Variants in NEBL observed in about 807,000 individuals in gnomAD.
The protein encoded by NEBL is nebulette.
Under a neutral mutation model 140.2 loss-of-function variants are expected in NEBL, and 122 were observed. The ratio of observed to expected loss-of-function variants is 0.87; its 90% CI spans 0.75 to 1.01. The LOEUF (loss-of-function observed/expected upper bound fraction) is 1.01, where lower values mean the gene tolerates loss of function less well. Ranked by LOEUF, NEBL falls within the 50% of genes least tolerant of loss-of-function variation. The probability of loss-of-function intolerance (pLI) is 0.00; values close to 1 mark genes in which losing one functional copy is unlikely to be tolerated. For synonymous variants in NEBL, 436 were observed against 398.9 expected (o/e 1.09, Z -1.11); for missense variants, 1,365 against 1,231.3 (o/e 1.11, Z -1.62).
chr10:20,785,161 C>A lies in NEBL; in HGVS notation c.*586G>T, dbSNP rs12784926. The A allele has an allele frequency of 2.8e-3, 431 of 156,640 alleles. 2 individuals are homozygous for A. Among genetic ancestry groups the A allele is most frequent in the South Asian group, 6.2e-3 (32 of 5,152 alleles). 9.7% of individuals were successfully genotyped at this position (156,640 alleles called of 1,614,324 possible). A position where few individuals can be genotyped will look rare whatever the true frequency, so the allele number is the denominator to read the frequency against. On this transcript the variant is annotated 3_prime_UTR_variant, in exon 28 of 28. Coordinates refer to ENST00000377122, the MANE Select transcript of NEBL (RefSeq NM_006393.3). ...AAATGAGAAATAAATAGATACCAGT[C>A]AGCCTAGGGAACAAGGAAATTTCTC... is the stretch of plus-strand genomic sequence containing the variant.
chr10:21,062,742 C>T (rs949955614), intron 2 of NEBL, among the ~76,000 whole-genome samples: 3 of 151,996 alleles, frequency 2.0e-5, no homozygotes, highest in African/African-American at 7.3e-5. Context: ...ATCTGAAGGA[C>T]CTAGAATGAG....
At chr10:20,956,687 A>G (rs1336643101) in intron 4 of NEBL, among the ~76,000 whole-genome samples, 1 of 152,196 alleles carries the variant, frequency 6.6e-6, no homozygotes, top group Non-Finnish European at 1.5e-5. Flanking sequence ...TTAGTTATAA[A>G]ACTTCTGCTT....
chr10:21,017,946 G>T (rs1264880961), intron 3 of NEBL, among the ~76,000 whole-genome samples: 1 of 151,554 alleles, frequency 6.6e-6, no homozygotes. Flanking sequence ...TCAGTCTCTC[G>T]AGTAGTTGGG....
At chr10:20,924,135 C>A (rs1468289079) in intron 4 of NEBL, among the ~76,000 whole-genome samples, 1 of 151,984 alleles carries the variant, frequency 6.6e-6, no homozygotes, top group Non-Finnish European at 1.5e-5. Flanking sequence ...AGATTTTGCT[C>A]CCAGGAGACA....
intron 4 of NEBL, among the ~76,000 whole-genome samples, chr10:20,883,245 A>T (rs2131332500): frequency 6.6e-6 from 1 of 152,262 alleles, no homozygotes; most frequent in African/African-American, 2.4e-5. Context: ...CTGTCAACTG[A>T]TACCTTTAAG....
At chr10:21,262,558 T>C (rs1156765927) in intron 1 of NEBL, among the ~76,000 whole-genome samples, 1 of 152,196 alleles carries the variant, frequency 6.6e-6, no homozygotes, top group African/African-American at 2.4e-5. Flanking sequence ...GGGGCTTTGA[T>C]GAATTCAAAG....
chr10:20,948,720 T>A (rs1835297710), intron 4 of NEBL, among the ~76,000 whole-genome samples: 1 of 152,194 alleles, frequency 6.6e-6, no homozygotes, highest in Non-Finnish European at 1.5e-5. Flanking sequence ...AGCTAATCTG[T>A]ATTACAACCT....
chr10:20,929,573 CAGAG>C lies in NEBL; in HGVS notation c.357+32095_357+32098del, dbSNP rs1258433298. Among the ~76,000 whole-genome samples the C allele has an allele frequency of 2.0e-5, 3 of 152,104 alleles. No individual in the cohort carries two copies. The East Asian group carries it at 5.8e-4, about 29-fold the overall frequency. On this transcript the variant is annotated intron_variant, in intron 4 of 6. Coordinates refer to the NEBL transcript ENST00000417816. ...TACACATACACCATGGAATACTACT[CAGAG>C]AAAGAATAAAATCATATCTCTTCAG...
chr10:20,783,932 T>C lies in NEBL; in HGVS notation c.*1815A>G, dbSNP rs1835190117. The stretch of plus-strand genomic sequence containing the variant: ...CTGCATTTATTTTTTCAACTTTATG[T>C]CAGTGACATATAGATGCAGCTTCAG... On this transcript the variant is annotated 3_prime_UTR_variant, in exon 28 of 28. Transcript: ENST00000377122. 6.6e-6 allele frequency: 1 copy of C among 152,494 alleles called. No individual in the cohort carries two copies. The highest frequency in any genetic ancestry group is 6.5e-5 in the Admixed American group (1 of 15,272). The allele number at this position is 152,494 out of a possible 1,614,324, so 9.4% of individuals were successfully genotyped here.
intron 3 of NEBL, among the ~76,000 whole-genome samples, chr10:20,966,784 G>C (rs1162065024): frequency 1.3e-5 from 2 of 152,188 alleles, no homozygotes; most frequent in Non-Finnish European, 2.9e-5. Context: ...GCTGCAAACA[G>C]CGCAATTATT....
chr10:20,855,546 C>T (rs2131104021), intron 9 of NEBL, among the ~76,000 whole-genome samples: 1 of 149,196 alleles, frequency 6.7e-6, no homozygotes, highest in South Asian at 2.1e-4. Flanking sequence ...CGAAGGAAAA[C>T]TTAATTGAAT....
chr10:20,844,981 G>T (rs568543325), intron 12 of NEBL, among the ~76,000 whole-genome samples: 45 of 152,100 alleles, frequency 3.0e-4, no homozygotes, highest in Non-Finnish European at 5.3e-4. Context: ...TATTTATAGA[G>T]CTTCTGAGCT....
At chr10:21,098,586 A>G (rs1837313651) in intron 2 of NEBL, among the ~76,000 whole-genome samples, 1 of 152,244 alleles carries the variant, frequency 6.6e-6, no homozygotes, top group African/African-American at 2.4e-5. Context: ...TTGTTTCTCA[A>G]TTCCCTCTCT....
chr10:20,939,420 A>G (rs1291185369), intron 4 of NEBL, among the ~76,000 whole-genome samples: 1 of 152,196 alleles, frequency 6.6e-6, no homozygotes, highest in African/African-American at 2.4e-5. Flanking sequence ...GCCCTAAAAG[A>G]GCTCCTGAAG....
At chr10:21,093,356 A>G (rs1401479605) in intron 2 of NEBL, among the ~76,000 whole-genome samples, 1 of 152,084 alleles carries the variant, frequency 6.6e-6, no homozygotes, top group Non-Finnish European at 1.5e-5. Context: ...ATAGGTGAGA[A>G]AAAAAGAAAT....
intron 2 of NEBL, among the ~76,000 whole-genome samples, chr10:21,091,574 A>T (rs1383719964): frequency 6.6e-6 from 1 of 152,180 alleles, no homozygotes; most frequent in Non-Finnish European, 1.5e-5. Context: ...GTTGTTCTTC[A>T]TCTCTCCACT....
chr10:21,269,144 TC>T (rs1430199924), intron 1 of NEBL, among the ~76,000 whole-genome samples: 2 of 152,198 alleles, frequency 1.3e-5, no homozygotes, highest in African/African-American at 4.8e-5. Flanking sequence ...TCCCATCTTC[TC>T]CCATTGTGGC....
At chr10:20,989,802 G>T (rs1407468282) in intron 3 of NEBL, among the ~76,000 whole-genome samples, 5 of 152,148 alleles carry the variant, frequency 3.3e-5, no homozygotes, top group Non-Finnish European at 4.4e-5. Context: ...TTTGGAGCAG[G>T]GGTCCTTACC....
chr10:21,182,171 T>C (rs923678283), intron 3 of NEBL, among the ~76,000 whole-genome samples: 1 of 151,962 alleles, frequency 6.6e-6, no homozygotes, highest in African/African-American at 2.4e-5. Flanking sequence ...TTTTTTTTCC[T>C]TTTAAAAATT....
Sources: gnomAD v4.1 joint callset for allele counts (sites outside exome capture counted in the v4.1 genomes callset) on GRCh38, gnomAD v4.1.1 for gene constraint, MANE v1.5 for transcripts, NCBI Gene and HGNC (gene_info 2026-07-23, HGNC 2026-07-21) for gene names.